Variants in PCDHGA1 observed in about 807,000 individuals in gnomAD.
The protein encoded by PCDHGA1 is protocadherin gamma subfamily A, 1.
Under a neutral mutation model 58.0 loss-of-function variants are expected in PCDHGA1, and 32 were observed. That is an observed-to-expected ratio of 0.55 (90% CI 0.42 to 0.74). The LOEUF is 0.74. Among genes scored for constraint, PCDHGA1 ranks in the 30% least tolerant of loss-of-function variants. PCDHGA1 has a pLI of 0.00. For synonymous variants in PCDHGA1, 498 were observed against 501.1 expected, an observed-to-expected ratio of 0.99 and a Z score of 0.08; for missense variants, 1,205 against 1,182.3, an observed-to-expected ratio of 1.02 and a Z score of -0.28.
chr5:141,510,613 C>T (rs559713771), intron 3 of PCDHGA1, among the ~76,000 whole-genome samples: 17 of 152,298 alleles, frequency 1.1e-4, no homozygotes, highest in Admixed American at 2.0e-4. Context: ...TTAGCATTCA[C>T]TAAAACCAGA....
intron 2 of PCDHGA1, among the ~76,000 whole-genome samples, chr5:141,499,326 C>T (rs1465474737): frequency 6.6e-6 from 1 of 152,156 alleles, no homozygotes. Context: ...TATCCCTGCT[C>T]TCTCTCAGTT....
chr5:141,461,258 A>G lies in PCDHGA1; in HGVS notation c.2422-33549A>G, dbSNP rs2099011921. Among the ~76,000 whole-genome samples, 4 of 152,104 alleles carry G rather than the reference A, an allele frequency of 2.6e-5. No individual in the cohort carries two copies. In the South Asian group the frequency reaches 8.3e-4, roughly 31 times the overall value. The stretch of plus-strand genomic sequence containing the variant: ...GTACTAATTTATATTCCCAGCAGCA[A>G]TGTGTAAGTGTTCTCTTTTCCCCAC... On this transcript the variant is annotated intron_variant, in intron 1 of 3. Transcript: ENST00000517417.
At chr5:141,354,361 A>C (rs1024429326) in intron 1 of PCDHGA1, among the ~76,000 whole-genome samples, 7 of 152,230 alleles carry the variant, frequency 4.6e-5, no homozygotes, top group Admixed American at 1.3e-4. Context: ...CACATTGTGA[A>C]CAAGATAGTC....
intron 1 of PCDHGA1, chr5:141,428,113 T>A: frequency 6.2e-7 from 1 of 1,607,492 alleles, no homozygotes; most frequent in Non-Finnish European, 8.5e-7. Flanking sequence ...CTGCAGGCCA[T>A]CGAGCCCGGG....
chr5:141,499,689 C>CTTTTTTTT (rs545067566), intron 2 of PCDHGA1, among the ~76,000 whole-genome samples: 2 of 119,854 alleles, frequency 1.7e-5, no homozygotes, highest in Non-Finnish European at 1.7e-5. Context: ...TAACAGATGA[C>CTTTTTTTT]TTTTTTTTTT....
intron 1 of PCDHGA1, chr5:141,361,290 A>G: frequency 6.2e-7 from 1 of 1,614,038 alleles, no homozygotes; most frequent in East Asian, 2.2e-5. Flanking sequence ...TTTACTGCCA[A>G]GTGTTGGGAA....
At chr5:141,419,922 T>C (rs761868361) in intron 1 of PCDHGA1, 1 of 1,614,090 alleles carries the variant, frequency 6.2e-7, no homozygotes, top group South Asian at 1.1e-5. Flanking sequence ...CAGGCTGAGA[T>C]GCAGTTTTAC....
chr5:141,414,642 C>A (rs547014431), intron 1 of PCDHGA1: 1 of 1,613,962 alleles, frequency 6.2e-7, no homozygotes, highest in Admixed American at 1.7e-5. Context: ...AAGAGAATGC[C>A]CAGATTATTT....
Position 141,487,424 on chromosome 5 carries a change from C to T in PCDHGA1, c.2422-7383C>T, listed in dbSNP as rs759893122. 5 of 1,613,982 alleles carry T rather than the reference C, an allele frequency of 3.1e-6. No individual in the cohort carries two copies. The highest frequency in any genetic ancestry group is 1.7e-5 in the Admixed American group (1 of 60,000). On this transcript the variant is annotated intron_variant, in intron 1 of 3. Transcript: ENST00000517417. The surrounding 1 kb of genome is among the most constrained non-coding windows in gnomAD (Gnocchi z 5.0). ...GCTTCCCCCTTCCAATGGGATCCTC[C>T]GAATCCAGCTAGGGTCAGATGACCC...
chr5:141,344,721 G>T (rs1490902754), intron 1 of PCDHGA1: 1 of 1,613,872 alleles, frequency 6.2e-7, no homozygotes, highest in African/African-American at 1.3e-5. Flanking sequence ...GCACATCCAA[G>T]TGATAGTCCT....
At position 141,489,861 on chromosome 5, in the gene PCDHGA1, A is replaced by G. The variant is rs1221756350; in HGVS notation, c.2422-4946A>G. The G allele has an allele frequency of 1.2e-5, 19 of 1,614,058 alleles. No individual in the cohort carries two copies. Among genetic ancestry groups the G allele is most frequent in the Non-Finnish European group, 1.5e-5 (18 of 1,179,998 alleles). On this transcript the variant is annotated intron_variant, in intron 1 of 3. Transcript: ENST00000517417. The surrounding 1 kb of genome is among the most constrained non-coding windows in gnomAD (Gnocchi z 4.5). ...AGCTGGATCGTGAAGCCCAGGCAAGACATCAGCTGGTGCTTACTGCTGTGG... is the reference window on the plus strand; with the variant it reads ...AGCTGGATCGTGAAGCCCAGGCAAGGCATCAGCTGGTGCTTACTGCTGTGG...
intron 1 of PCDHGA1, chr5:141,370,755 G>A: frequency 6.2e-7 from 1 of 1,613,972 alleles, no homozygotes; most frequent in South Asian, 1.1e-5. Context: ...TCATGTAACT[G>A]TGCTGATCCA....
chr5:141,423,440 C>T lies in PCDHGA1; in HGVS notation c.2422-71367C>T, dbSNP rs768389351. 27 of 1,613,852 alleles carry T rather than the reference C, an allele frequency of 1.7e-5. No individual in the cohort carries two copies. In the East Asian group the frequency reaches 4.5e-4, roughly 27 times the overall value. ...GAAGGCGGGTTGGCAGGTATGCCCACGTCACATTTTGTAGGCGTGGACGGG... is the reference window on the plus strand; with the variant it reads ...GAAGGCGGGTTGGCAGGTATGCCCATGTCACATTTTGTAGGCGTGGACGGG... On this transcript the variant is annotated intron_variant, in intron 1 of 3. Coordinates refer to ENST00000517417, the MANE Select transcript of PCDHGA1 (RefSeq NM_018912.3).
intron 1 of PCDHGA1, chr5:141,430,836 C>T: frequency 6.4e-7 from 1 of 1,558,936 alleles, no homozygotes; most frequent in South Asian, 1.2e-5. Context: ...CTGTGGGAGA[C>T]CGGATGCACC....
At position 141,423,722 on chromosome 5, in the gene PCDHGA1, G is replaced by A. The variant is rs541297269; in HGVS notation, c.2422-71085G>A. Reference sequence around the variant, plus strand: ...CTTGGCACAAGTCTTTTAAGGAGATGTTTTTTGAGCCTGTTATGAAAACTG... The same window carrying A: ...CTTGGCACAAGTCTTTTAAGGAGATATTTTTTGAGCCTGTTATGAAAACTG... On this transcript the variant is annotated intron_variant, in intron 1 of 3. Coordinates refer to ENST00000517417, the MANE Select transcript of PCDHGA1 (RefSeq NM_018912.3). 5 of 954,184 alleles carry A rather than the reference G, an allele frequency of 5.2e-6. No individual in the cohort carries two copies. In the African/African-American group the frequency reaches 6.3e-5, roughly 12 times the overall value. The allele number at this position is 954,184 out of a possible 1,614,324, so 59.1% of individuals were successfully genotyped here.
intron 1 of PCDHGA1, among the ~76,000 whole-genome samples, chr5:141,406,577 A>T (rs558329088): frequency 6.6e-6 from 1 of 152,274 alleles, no homozygotes; most frequent in South Asian, 2.1e-4. Context: ...TAGTAAACCA[A>T]TTTTTTCCCT....
At chr5:141,340,636 G>C in intron 1 of PCDHGA1, 1 of 1,614,230 alleles carries the variant, frequency 6.2e-7, no homozygotes. Context: ...TGCTGGACCA[G>C]AACGACAACG....
At position 141,331,267 on chromosome 5, in the gene PCDHGA1, G is replaced by T. The variant is rs1230020348; in HGVS notation, c.583G>T (p.Val195Leu). 1 of 1,614,118 alleles carries T rather than the reference G, an allele frequency of 6.2e-7. No homozygotes were observed. The highest frequency in any genetic ancestry group is 8.5e-7 in the Non-Finnish European group (1 of 1,180,042). The stretch of plus-strand genomic sequence containing the variant: ...CGATGGGCCTCAACATCCAGAGATG[G>T]TGCTGCAGAGTCCCTTAGACAGAGA... ...GADGPQHPEM[V>L]LQSPLDREEE... The change falls in exon 1 of 4, where the codon GTG (valine) becomes TTG (leucine). Residue 195 changes from valine to leucine, a missense_variant. Val to Leu is a conservative substitution (Grantham distance 32). Transcript: ENST00000517417.
At chr5:141,488,217 A>G (rs537136341) in intron 1 of PCDHGA1, among the ~76,000 whole-genome samples, 2 of 152,274 alleles carry the variant, frequency 1.3e-5, no homozygotes, top group East Asian at 1.9e-4. Flanking sequence ...TCAAGTCCCT[A>G]CTGGGGATTT....
Sources: allele counts gnomAD v4.1 joint callset (sites outside exome capture counted in the v4.1 genomes callset), GRCh38; gene constraint gnomAD v4.1.1; non-coding constraint Gnocchi (gnomAD v3.1); transcripts MANE v1.5; gene names NCBI Gene and HGNC (gene_info 2026-07-23, HGNC 2026-07-21).